FOXP1: variants seen among roughly 807,000 people sequenced by gnomAD.
The protein encoded by FOXP1 is forkhead box P1.
Under a neutral mutation model 98.2 loss-of-function variants are expected in FOXP1, and 15 were observed. That is an observed-to-expected ratio of 0.15 (90% CI 0.10 to 0.24). The LOEUF (loss-of-function observed/expected upper bound fraction) is 0.24. Among genes scored for constraint, FOXP1 ranks in the 10% least tolerant of loss-of-function variants. FOXP1 has a pLI of 1.00. For synonymous variants in FOXP1, 371 were observed against 314.5 expected (o/e 1.18, Z -1.90); for missense variants, 633 against 848.5 (o/e 0.75, Z 3.15).
rs75443139 is a variant in FOXP1 at position 71,216,807 on chromosome 3, C to T, written c.-11-18415G>A. On this transcript the variant is annotated intron_variant, in intron 5 of 20. Coordinates refer to ENST00000649528, the MANE Select transcript of FOXP1 (RefSeq NM_001349338.3). The stretch of plus-strand genomic sequence containing the variant: ...TAACAATCTGTCCTTCTACAGCAGT[C>T]GTTCTCAACTGATGGTTAATTGTCC... Among the ~76,000 whole-genome samples, 179 of 152,204 alleles carry T rather than the reference C, an allele frequency of 1.2e-3. 1 individual carries two copies. The highest frequency in any genetic ancestry group is 2.2e-3 in the Admixed American group (33 of 15,300).
intron 2 of FOXP1, among the ~76,000 whole-genome samples, chr3:71,517,560 T>G (rs541531432): frequency 1.1e-4 from 16 of 152,344 alleles, no homozygotes; most frequent in African/African-American, 3.6e-4. Context: ...TCGAGATTTT[T>G]CATCCAATCC....
At chr3:71,018,632 C>T (rs1344198017) in intron 11 of FOXP1, among the ~76,000 whole-genome samples, 1 of 152,088 alleles carries the variant, frequency 6.6e-6, no homozygotes, top group Non-Finnish European at 1.5e-5. Flanking sequence ...CTTTTAAATA[C>T]ACAATTGTCT....
chr3:71,367,596 T>C (rs899528694), intron 3 of FOXP1, among the ~76,000 whole-genome samples: 4 of 152,008 alleles, frequency 2.6e-5, no homozygotes, highest in Admixed American at 2.6e-4. Flanking sequence ...TGATGCTGAG[T>C]GGGTAAAACA....
intron 2 of FOXP1, chr3:71,571,512 G>A (rs2047339751): frequency 6.6e-6 from 1 of 152,080 alleles, no homozygotes; most frequent in African/African-American, 2.4e-5. Context: ...TTAATAAAAT[G>A]TCAGTACAAA....
At chr3:71,259,227 C>T (rs139347381) in intron 5 of FOXP1, among the ~76,000 whole-genome samples, 8 of 152,324 alleles carry the variant, frequency 5.3e-5, no homozygotes, top group African/African-American at 1.9e-4. Flanking sequence ...AGGCTTCTAA[C>T]AGAACCCAGA....
chr3:70,979,294 A>G (rs1318933585), intron 14 of FOXP1, among the ~76,000 whole-genome samples: 1 of 140,454 alleles, frequency 7.1e-6, no homozygotes. Flanking sequence ...AAAAAAAAAA[A>G]AAAAAAAAAA....
intron 3 of FOXP1, among the ~76,000 whole-genome samples, chr3:71,393,348 G>GTAAT (rs2081168385): frequency 6.6e-6 from 1 of 151,132 alleles, no homozygotes; most frequent in African/African-American, 2.4e-5. Flanking sequence ...TTTACATGAT[G>GTAAT]TAATGTCTAA....
intron 3 of FOXP1, among the ~76,000 whole-genome samples, chr3:71,477,388 C>A (rs2089938604): frequency 6.6e-6 from 1 of 152,178 alleles, no homozygotes; most frequent in Non-Finnish European, 1.5e-5. Context: ...GCAATTGAAG[C>A]ATCATAAAAT....
chr3:71,349,356 A>G (rs1391487118), intron 4 of FOXP1, among the ~76,000 whole-genome samples: 1 of 152,184 alleles, frequency 6.6e-6, no homozygotes, highest in Non-Finnish European at 1.5e-5. Context: ...ATAAATGTAA[A>G]TTTGTTTTGA....
intron 5 of FOXP1, among the ~76,000 whole-genome samples, chr3:71,233,855 C>A (rs1291260799): frequency 1.3e-5 from 2 of 152,064 alleles, no homozygotes; most frequent in Non-Finnish European, 2.9e-5. Context: ...AACTTAAGAC[C>A]TTGGTAAAAT....
intron 2 of FOXP1, among the ~76,000 whole-genome samples, chr3:71,554,802 T>C (rs2046011518): frequency 1.3e-5 from 2 of 152,234 alleles, no homozygotes. Flanking sequence ...TCTTTCACTT[T>C]GTGTGGACAC....
chr3:70,972,816 T>C, intron 17 of FOXP1, 140 bp from the exon 18 acceptor site: 1 of 802,116 alleles, frequency 1.2e-6, no homozygotes, highest in South Asian at 1.8e-5. Context: ...GAGGACCTTC[T>C]CATGGTTAAG....
chr3:70,968,091 A>C (rs1259925819), intron 19 of FOXP1, among the ~76,000 whole-genome samples: 1 of 152,144 alleles, frequency 6.6e-6, no homozygotes, highest in Non-Finnish European at 1.5e-5. Flanking sequence ...TTGGGATTGG[A>C]TCATAGAACA....
intron 11 of FOXP1, among the ~76,000 whole-genome samples, chr3:71,037,640 T>C (rs2047773525): frequency 6.6e-6 from 1 of 152,236 alleles, no homozygotes; most frequent in Non-Finnish European, 1.5e-5. Context: ...AACACAGGCA[T>C]GTTTATTGCA....
At chr3:71,119,972 G>A (rs991125595) in intron 6 of FOXP1, among the ~76,000 whole-genome samples, 1 of 152,192 alleles carries the variant, frequency 6.6e-6, no homozygotes, top group Non-Finnish European at 1.5e-5. Context: ...CTCATGGAAG[G>A]ATTCTGGTGA....
At chr3:71,465,323 AAAAGAAG>A (rs1222123356) in intron 3 of FOXP1, among the ~76,000 whole-genome samples, 38 of 66,170 alleles carry the variant, frequency 5.7e-4, no homozygotes, top group Non-Finnish European at 7.6e-4. Flanking sequence ...AAAAAAAAAA[AAAAGAAG>A]AAGAAGAAGA....
At chr3:71,116,114 CA>C (rs1227979285) in intron 6 of FOXP1, among the ~76,000 whole-genome samples, 1 of 152,164 alleles carries the variant, frequency 6.6e-6, no homozygotes, top group African/African-American at 2.4e-5. Context: ...AAGTTTTCAA[CA>C]AATGCTTACT....
At chr3:71,564,290 T>C (rs1346180549) in intron 2 of FOXP1, among the ~76,000 whole-genome samples, 1 of 152,252 alleles carries the variant, frequency 6.6e-6, no homozygotes, top group Admixed American at 6.5e-5. Context: ...GGCTATTTAA[T>C]GTGACTTTTA....
At chr3:71,518,527 T>C (rs1436001204) in intron 2 of FOXP1, among the ~76,000 whole-genome samples, 1 of 152,178 alleles carries the variant, frequency 6.6e-6, no homozygotes, top group Admixed American at 6.5e-5. Context: ...CCTGTTTCAA[T>C]GGAGTGTTTG....
Sources: allele counts gnomAD v4.1 joint callset (sites outside exome capture counted in the v4.1 genomes callset), GRCh38; gene constraint gnomAD v4.1.1; transcripts MANE v1.5; gene names NCBI Gene and HGNC (gene_info 2026-07-23, HGNC 2026-07-21).